The following STOX2 variants were observed in gnomAD, a reference collection of about 807,000 sequenced individuals.
STOX2 encodes storkhead box 2.
Under a neutral mutation model 60.9 loss-of-function variants are expected in STOX2, and 28 were observed. The observed-to-expected ratio is 0.46, with a 90% CI of 0.34 to 0.63. The LOEUF is 0.63. Ranked by LOEUF, STOX2 falls within the 30% of genes least tolerant of loss-of-function variation. The pLI is 0.01. For missense variants in STOX2, 1,024 were observed against 1,187.7 expected, an observed-to-expected ratio of 0.86 and a Z score of 2.03; for synonymous variants, 472 against 463.9, an observed-to-expected ratio of 1.02 and a Z score of -0.22.
chr4:183,909,458 A>T (rs536563732), intron 1 of STOX2, among the ~76,000 whole-genome samples: 58 of 152,276 alleles, frequency 3.8e-4, no homozygotes, highest in Admixed American at 1.0e-3. Flanking sequence ...TGGTATCCTT[A>T]TACTTGATTT....
chr4:183,870,286 GT>G (rs1456822377), intron 1 of STOX2, among the ~76,000 whole-genome samples: 1 of 152,308 alleles, frequency 6.6e-6, no homozygotes, highest in Middle Eastern at 3.4e-3. Flanking sequence ...AAGTGTTTGT[GT>G]TCTAAGAGTT....
chr4:183,804,233 A>T (rs1333646742), intron 1 of STOX2, among the ~76,000 whole-genome samples: 1 of 152,218 alleles, frequency 6.6e-6, no homozygotes, highest in Non-Finnish European at 1.5e-5. Flanking sequence ...TTCTCCAGGG[A>T]TGCCTACTTA....
At chr4:183,812,071 A>G (rs990618239) in intron 1 of STOX2, among the ~76,000 whole-genome samples, 1 of 151,930 alleles carries the variant, frequency 6.6e-6, no homozygotes, top group Admixed American at 6.6e-5. Flanking sequence ...AGTTGGAACT[A>G]CAGGCATATG....
chr4:183,949,466 G>A (rs35291394), intron 1 of STOX2, among the ~76,000 whole-genome samples: 30,124 of 152,104 alleles, frequency 0.2, 3,492 homozygotes, highest in Middle Eastern at 0.29. Flanking sequence ...TAGGGAGGCC[G>A]AGGTGGGCGG....
intron 1 of STOX2, among the ~76,000 whole-genome samples, chr4:183,835,145 G>C (rs1395142378): frequency 6.7e-6 from 1 of 150,366 alleles, no homozygotes; most frequent in Non-Finnish European, 1.5e-5. Flanking sequence ...TTGAACTTCA[G>C]CTTTTTCATC....
intron 1 of STOX2, among the ~76,000 whole-genome samples, chr4:183,971,786 C>T (rs748520190): frequency 1.3e-5 from 2 of 152,240 alleles, no homozygotes; most frequent in Non-Finnish European, 2.9e-5. Flanking sequence ...ATTTGCTTCT[C>T]CTGCTAACAG....
chr4:183,935,180 C>T (rs1043830455), intron 1 of STOX2, among the ~76,000 whole-genome samples: 1 of 152,210 alleles, frequency 6.6e-6, no homozygotes, highest in Non-Finnish European at 1.5e-5. Flanking sequence ...CATGGATGTC[C>T]CGCAGGACAG....
chr4:183,837,683 T>C (rs1686212969), intron 1 of STOX2, among the ~76,000 whole-genome samples: 1 of 152,180 alleles, frequency 6.6e-6, no homozygotes, highest in Non-Finnish European at 1.5e-5. Flanking sequence ...GGTCTCGAAC[T>C]CCTGGCCTCA....
intron 1 of STOX2, among the ~76,000 whole-genome samples, chr4:183,817,199 C>T (rs1330653652): frequency 6.6e-6 from 1 of 152,212 alleles, no homozygotes; most frequent in Non-Finnish European, 1.5e-5. Context: ...AACCCTCCAA[C>T]TATTTTGGGG....
intron 1 of STOX2, among the ~76,000 whole-genome samples, chr4:183,808,188 C>T (rs993363707): frequency 6.6e-6 from 1 of 152,228 alleles, no homozygotes; most frequent in Non-Finnish European, 1.5e-5. Flanking sequence ...AACTCTGCGG[C>T]GCTTCTGGAA....
chr4:183,964,525 T>C (rs1055775252), intron 1 of STOX2, among the ~76,000 whole-genome samples: 2 of 152,238 alleles, frequency 1.3e-5, no homozygotes, highest in Non-Finnish European at 2.9e-5. Context: ...TGTGCTTTTG[T>C]CTTCCTTTTG....
At position 183,806,815 on chromosome 4, in the gene STOX2, G is replaced by A. The variant is rs1231186920; in HGVS notation, c.364+8760G>A. On this transcript the variant is annotated intron_variant, in intron 1 of 2. Transcript: ENST00000513034. This position sits in a 1 kb window ranked among gnomAD's most constrained non-coding sequence, Gnocchi z 4.1. ...TGAGGAAACAAACATTTATGTGTTC[G>A]TGTTCAGGACGGTAGGGCCCAGGAC... Among the ~76,000 whole-genome samples the A allele has an allele frequency of 1.3e-5, 2 of 152,036 alleles. No individual in the cohort carries two copies. The highest frequency in any genetic ancestry group is 1.3e-4 in the Admixed American group (2 of 15,258).
intron 1 of STOX2, among the ~76,000 whole-genome samples, chr4:183,933,687 C>T (rs77642924): frequency 0.11 from 16,610 of 152,026 alleles, 3,059 homozygotes; most frequent in African/African-American, 0.38. Context: ...CTGCACCTGG[C>T]TGAAACTCAG....
At chr4:183,941,801 C>T (rs1032413930) in intron 1 of STOX2, among the ~76,000 whole-genome samples, 6 of 152,092 alleles carry the variant, frequency 3.9e-5, no homozygotes, top group South Asian at 4.1e-4. Context: ...ACAGAGATGA[C>T]GTATAAATCA....
At chr4:183,844,851 A>G (rs1440361840) in intron 1 of STOX2, among the ~76,000 whole-genome samples, 1 of 152,210 alleles carries the variant, frequency 6.6e-6, no homozygotes, top group African/African-American at 2.4e-5. Flanking sequence ...TACAAAGTTG[A>G]CTAAAACATG....
intron 1 of STOX2, among the ~76,000 whole-genome samples, chr4:183,948,540 C>CTTTTTGTTTTTT (rs1742971224): frequency 1.3e-5 from 1 of 78,182 alleles, no homozygotes; most frequent in Admixed American, 2.1e-4. Context: ...ATGCCTTATC[C>CTTTTTGTTTTTT]TTTTTTTTTT....
intron 1 of STOX2, among the ~76,000 whole-genome samples, chr4:183,945,949 A>G (rs940667351): frequency 6.6e-6 from 1 of 152,162 alleles, no homozygotes; most frequent in African/African-American, 2.4e-5. Flanking sequence ...TCTGAATAAA[A>G]CCATTGTGAA....
chr4:183,993,095 C>G (rs1206373978), intron 1 of STOX2, among the ~76,000 whole-genome samples: 1 of 152,254 alleles, frequency 6.6e-6, no homozygotes, highest in South Asian at 2.1e-4. Context: ...GAAGGTGGCT[C>G]TTGGCCAGGG....
At chr4:183,808,246 A>G (rs1457777946) in intron 1 of STOX2, among the ~76,000 whole-genome samples, 1 of 152,218 alleles carries the variant, frequency 6.6e-6, no homozygotes, top group Non-Finnish European at 1.5e-5. Context: ...TCTCTCCTGT[A>G]GTCTTGTTAC....
Sources: allele counts gnomAD v4.1 joint callset (sites outside exome capture counted in the v4.1 genomes callset), GRCh38; gene constraint gnomAD v4.1.1; non-coding constraint Gnocchi (gnomAD v3.1); transcripts MANE v1.5; gene names NCBI Gene and HGNC (gene_info 2026-07-23, HGNC 2026-07-21).